The following OTOGL variants were observed in gnomAD, a reference collection of about 807,000 sequenced individuals.
OTOGL encodes the protein otogelin-like protein.
OTOGL carries 285 observed loss-of-function variants against 318.5 expected under a neutral mutation model. That is an observed-to-expected ratio of 0.89 (90% CI 0.81 to 0.99). OTOGL has a LOEUF of 0.99. Ranked by LOEUF, OTOGL falls within the 50% of genes least tolerant of loss-of-function variation. OTOGL has a pLI of 0.00. For synonymous variants in OTOGL, 987 were observed against 936.5 expected, an observed-to-expected ratio of 1.05 and a Z score of -0.99; for missense variants, 2,899 against 2,845.6, an observed-to-expected ratio of 1.02 and a Z score of -0.43.
chr12:80,189,561 A>G, intron 1 of OTOGL: 7 of 767,604 alleles, frequency 9.1e-6, no homozygotes, highest in Non-Finnish European at 1.1e-5. Context: ...CTGAAATGAC[A>G]ATATAGTTAT....
At chr12:80,360,391 C>A in intron 52 of OTOGL, among the ~76,000 whole-genome samples, 1 of 94,644 alleles carries the variant, frequency 1.1e-5, no homozygotes, top group East Asian at 3.9e-4. Context: ...TCTCTCTCCC[C>A]CTCTCTCCCT....
intron 6 of OTOGL, among the ~76,000 whole-genome samples, 166 bp from the exon 7 acceptor site, chr12:80,221,925 T>TCAAAC (rs1878382931): frequency 6.6e-6 from 1 of 152,240 alleles, no homozygotes; most frequent in African/African-American, 2.4e-5. Context: ...GGGAGTTTGA[T>TCAAAC]AGTTTTGAGA....
At chr12:80,345,093 ATTT>A (rs1889088714) in intron 44 of OTOGL, among the ~76,000 whole-genome samples, 3 of 48,948 alleles carry the variant, frequency 6.1e-5, no homozygotes, top group African/African-American at 1.7e-4. Context: ...TATATGTTAT[ATTT>A]TATATATTAT....
At chr12:80,326,642 C>A (rs1425257426) in intron 35 of OTOGL, among the ~76,000 whole-genome samples, 1 of 152,158 alleles carries the variant, frequency 6.6e-6, no homozygotes, top group Admixed American at 6.5e-5. Flanking sequence ...TTTTCTTCCA[C>A]TTCACAAAGT....
intron 1 of OTOGL, among the ~76,000 whole-genome samples, chr12:80,120,183 T>C (rs548977615): frequency 1.3e-5 from 2 of 152,196 alleles, no homozygotes; most frequent in African/African-American, 4.8e-5. Flanking sequence ...GCTGGGGTGA[T>C]AGATTTCTAA....
chr12:80,377,676 C>T (rs1438674963), intron 58 of OTOGL, among the ~76,000 whole-genome samples, 172 bp from the exon 59 acceptor site: 1 of 152,052 alleles, frequency 6.6e-6, no homozygotes, highest in East Asian at 1.9e-4. Context: ...GTCCCTTTGA[C>T]TTATGTGACT....
intron 13 of OTOGL, among the ~76,000 whole-genome samples, chr12:80,252,795 C>T (rs760217046): frequency 5.3e-5 from 8 of 152,160 alleles, no homozygotes; most frequent in Non-Finnish European, 1.2e-4. Context: ...TTGGCCTCTG[C>T]TCATTGTTCT....
chr12:80,165,170 G>A (rs1873756171), intron 1 of OTOGL, among the ~76,000 whole-genome samples: 1 of 152,124 alleles, frequency 6.6e-6, no homozygotes, highest in Non-Finnish European at 1.5e-5. Flanking sequence ...CTTGTCTTAT[G>A]TCTGTCCAGT....
chr12:80,372,755 C>T (rs1412205932), intron 57 of OTOGL, among the ~76,000 whole-genome samples: 2 of 151,358 alleles, frequency 1.3e-5, no homozygotes, highest in East Asian at 3.9e-4. Flanking sequence ...GTGGCATGAT[C>T]TTAGCTCACT....
At position 80,262,043 on chromosome 12, in the gene OTOGL, C is replaced by T. The variant is rs1310432600; in HGVS notation, c.1964C>T (p.Ala655Val). The part of the protein sequence containing the change: ...NAWRVSSTCF[A>V]PVHVPVVDPC... ...TGGAGAGTTTCTTCTACCTGTTTTG[C>T]ACCTGTTCATGTCCCAGTGGTGGAC... is the stretch of plus-strand genomic sequence containing the variant. Residue 655 changes from alanine (A) to valine (V), a missense_variant, in exon 19 of 59, where the codon GCA (alanine) becomes GTA (valine). Ala to Val is a moderately conservative substitution (Grantham distance 64). Coordinates refer to ENST00000547103, the MANE Select transcript of OTOGL (RefSeq NM_001378609.3). The T allele has an allele frequency of 6.2e-7, 1 of 1,612,958 alleles. No homozygotes were observed. Among genetic ancestry groups the T allele is most frequent in the Non-Finnish European group, 8.5e-7 (1 of 1,179,314 alleles).
chr12:80,122,784 T>C (rs181508590), intron 1 of OTOGL, among the ~76,000 whole-genome samples: 5 of 152,334 alleles, frequency 3.3e-5, no homozygotes, highest in Admixed American at 2.0e-4. Flanking sequence ...TTTTCATATA[T>C]GCTTTGTTTT....
At chr12:80,327,355 T>C (rs1039146627) in intron 35 of OTOGL, among the ~76,000 whole-genome samples, 2 of 152,158 alleles carry the variant, frequency 1.3e-5, no homozygotes, top group Non-Finnish European at 2.9e-5. Context: ...CCAGACATCC[T>C]AGGGCTTGAA....
intron 1 of OTOGL, among the ~76,000 whole-genome samples, chr12:80,168,001 C>CT (rs1002103830): frequency 6.0e-5 from 9 of 150,376 alleles, no homozygotes; most frequent in Admixed American, 1.3e-4. Context: ...CTCTTCTCTT[C>CT]TTTTTTTTTG....
chr12:80,337,838 G>A (rs898377805), intron 42 of OTOGL, among the ~76,000 whole-genome samples: 2 of 152,046 alleles, frequency 1.3e-5, no homozygotes, highest in South Asian at 2.1e-4. Context: ...GTTTAATTAA[G>A]TAAAACAAAA....
intron 29 of OTOGL, 26 bp downstream of exon 29, chr12:80,305,721 A>T: frequency 6.9e-7 from 1 of 1,452,162 alleles, no homozygotes; most frequent in South Asian, 1.5e-5. Flanking sequence ...GTATTTTAGA[A>T]GTCAACAAAA....
At chr12:80,340,359 A>G (rs1261925133) in intron 43 of OTOGL, among the ~76,000 whole-genome samples, 1 of 152,172 alleles carries the variant, frequency 6.6e-6, no homozygotes, top group African/African-American at 2.4e-5. Flanking sequence ...ATAAATTTCT[A>G]TGGTGACTTA....
intron 56 of OTOGL, 94 bp from the exon 57 acceptor site, chr12:80,371,925 A>G: frequency 1.4e-6 from 1 of 710,024 alleles, no homozygotes; most frequent in Non-Finnish European, 2.1e-6. Flanking sequence ...GGTATTTGAT[A>G]AAAGTTTTAG....
chr12:80,240,280 A>C (rs11114362), intron 11 of OTOGL, among the ~76,000 whole-genome samples: 7,050 of 152,070 alleles, frequency 0.046, 556 homozygotes, highest in African/African-American at 0.16. Flanking sequence ...AATGGTAGTT[A>C]TAAATGTTTT....
At chr12:80,232,426 C>T (rs1879452470) in intron 8 of OTOGL, among the ~76,000 whole-genome samples, 3 of 152,048 alleles carry the variant, frequency 2.0e-5, no homozygotes, top group South Asian at 4.1e-4. Flanking sequence ...TAAACAAAAT[C>T]AGAAAACTCA....
Sources: allele counts gnomAD v4.1 joint callset (sites outside exome capture counted in the v4.1 genomes callset), GRCh38; gene constraint gnomAD v4.1.1; transcripts MANE v1.5; gene names NCBI Gene and HGNC (gene_info 2026-07-23, HGNC 2026-07-21).